CNNM2: variants seen among roughly 807,000 people sequenced by gnomAD.
The protein encoded by CNNM2 is cyclin and CBS domain divalent metal cation transport mediator 2, also known as metal transporter CNNM2.
Under a neutral mutation model 66.9 loss-of-function variants are expected in CNNM2, and 12 were observed. That is an observed-to-expected ratio of 0.18 (90% CI 0.11 to 0.29). The LOEUF (loss-of-function observed/expected upper bound fraction) is 0.29, where lower values mean the gene tolerates loss of function less well. Ranked by LOEUF, CNNM2 falls within the 10% of genes least tolerant of loss-of-function variation. The pLI is 1.00. For synonymous variants in CNNM2, 557 were observed against 501.8 expected (o/e 1.11, Z -1.47); for missense variants, 705 against 1,167.7 (o/e 0.60, Z 5.77).
At position 103,087,617 on chromosome 10, in the gene CNNM2, T is replaced by C. The variant is rs2065849215; in HGVS notation, c.*10437T>C. The C allele has an allele frequency of 6.6e-6, 1 of 152,252 alleles. No homozygotes were observed. Among genetic ancestry groups the C allele is most frequent in the Non-Finnish European group, 1.5e-5 (1 of 68,040 alleles). 9.4% of individuals were successfully genotyped at this position (152,252 alleles called of 1,614,324 possible). A position where few individuals can be genotyped will look rare whatever the true frequency, so the allele number is the denominator to read the frequency against. On this transcript the variant is annotated 3_prime_UTR_variant, in exon 8 of 8. Transcript: ENST00000369878. ...TATTATAATAAGGTAGCTCTGCAGA[T>C]GTAATAAGCTACTCATAAATTATTT...
At chr10:102,966,872 A>T (rs968871233) in intron 1 of CNNM2, among the ~76,000 whole-genome samples, 1 of 152,104 alleles carries the variant, frequency 6.6e-6, no homozygotes, top group African/African-American at 2.4e-5. Flanking sequence ...GTGAGGTGGG[A>T]TGAGGAGTGG....
Position 103,085,596 on chromosome 10 carries a change from G to A in CNNM2, c.*8416G>A, listed in dbSNP as rs1214563068. ...TCCATGGGAGACCAGAACATCTGGG[G>A]ACATAGTTGTACCTAGTTATTTTGT... On this transcript the variant is annotated 3_prime_UTR_variant, in exon 8 of 8. Transcript: ENST00000369878. 1.3e-5 allele frequency: 2 copies of A among 152,200 alleles called. No homozygotes were observed. Among genetic ancestry groups the A allele is most frequent in the African/African-American group, 4.8e-5 (2 of 41,446 alleles). The allele number at this position is 152,200 out of a possible 1,614,324, so 9.4% of individuals were successfully genotyped here. A position where few individuals can be genotyped will look rare whatever the true frequency, so the allele number is the denominator to read the frequency against.
intron 2 of CNNM2, among the ~76,000 whole-genome samples, chr10:103,050,069 C>T (rs2065190552): frequency 6.6e-6 from 1 of 152,212 alleles, no homozygotes; most frequent in Admixed American, 6.5e-5. Context: ...CCAGCTGCTT[C>T]TAACCACTGA....
At chr10:103,050,204 C>T (rs2065192420) in intron 2 of CNNM2, among the ~76,000 whole-genome samples, 1 of 152,166 alleles carries the variant, frequency 6.6e-6, no homozygotes, top group Non-Finnish European at 1.5e-5. Flanking sequence ...AGATAAACTT[C>T]TGTTTGTACT....
At chr10:103,025,204 G>C (rs978125482) in intron 1 of CNNM2, among the ~76,000 whole-genome samples, 2 of 152,062 alleles carry the variant, frequency 1.3e-5, no homozygotes, top group African/African-American at 4.8e-5. Context: ...CGATTCTCCT[G>C]CCTCAGCCTC....
intron 1 of CNNM2, among the ~76,000 whole-genome samples, chr10:103,024,801 A>G (rs1258682442): frequency 6.6e-6 from 1 of 152,002 alleles, no homozygotes; most frequent in African/African-American, 2.4e-5. Flanking sequence ...TAAAGAAACC[A>G]AGCTAGTTGT....
chr10:103,040,493 G>A (rs1346237039), intron 1 of CNNM2, among the ~76,000 whole-genome samples: 7 of 152,088 alleles, frequency 4.6e-5, no homozygotes, highest in Admixed American at 4.6e-4. Flanking sequence ...GGTGGGAAGT[G>A]AGCACTGTGC....
chr10:103,080,406 TA>T lies in CNNM2; in HGVS notation c.*3229del, dbSNP rs1342694389. 1 of 152,256 alleles carries T rather than the reference TA, an allele frequency of 6.6e-6. No homozygotes were observed. The highest frequency in any genetic ancestry group is 2.4e-5 in the African/African-American group (1 of 41,462). 9.4% of individuals were successfully genotyped at this position (152,256 alleles called of 1,614,324 possible). A position where few individuals can be genotyped will look rare whatever the true frequency, so the allele number is the denominator to read the frequency against. On this transcript the variant is annotated 3_prime_UTR_variant, in exon 8 of 8. Coordinates refer to ENST00000369878, the MANE Select transcript of CNNM2 (RefSeq NM_017649.5). ...TCAGGCAAATTCAAAATCATACATT[TA>T]AACTCTTAGGAAAACAAAATCTTAA...
At chr10:103,035,273 C>G (rs1042523913) in intron 1 of CNNM2, among the ~76,000 whole-genome samples, 3 of 152,082 alleles carry the variant, frequency 2.0e-5, no homozygotes, top group Non-Finnish European at 2.9e-5. Context: ...AAAATAAACC[C>G]CTTAGTTCTA....
In CNNM2 at chr10:102,999,121, A is replaced by G. The variant is rs112353445; in HGVS notation, c.1622-50586A>G. ...AGTCTTGCTCTGTCTCCCAGGCTTGAGTGTAGTGGCGCGATCTTGGCTCAC... is the reference window on the plus strand; with the variant it reads ...AGTCTTGCTCTGTCTCCCAGGCTTGGGTGTAGTGGCGCGATCTTGGCTCAC... On this transcript the variant is annotated intron_variant, in intron 1 of 7. Transcript: ENST00000369878. 0.015 allele frequency among the ~76,000 whole-genome samples: 2,233 copies of G among 146,346 alleles called. 56 individuals are homozygous for G. Among genetic ancestry groups the G allele is most frequent in the African/African-American group, 0.053 (2,079 of 39,492 alleles).
chr10:102,919,233 C>T lies in CNNM2; in HGVS notation c.753C>T (p.Phe251=), dbSNP rs1590244475. 1 of 1,613,438 alleles carries T rather than the reference C, an allele frequency of 6.2e-7. No homozygotes were observed. Among genetic ancestry groups the T allele is most frequent in the Non-Finnish European group, 8.5e-7 (1 of 1,180,030 alleles). The change falls in exon 1 of 8, where the codon TTC becomes TTT. Residue 251 remains phenylalanine (F), a synonymous_variant. Transcript: ENST00000369878. ...TGATCGTAGGCGAAGAGAAGAAGTT[C>T]CTGCTGCCCTTCTGGCTGCAGGTGA... ...TKMIVGEEKK[F]LLPFWLQVIF...
chr10:102,924,112 G>T (rs1162585592), intron 1 of CNNM2, among the ~76,000 whole-genome samples: 1 of 152,160 alleles, frequency 6.6e-6, no homozygotes, highest in Admixed American at 6.5e-5. Flanking sequence ...AATAAATTCA[G>T]TAAATACCGC....
intron 3 of CNNM2, among the ~76,000 whole-genome samples, chr10:103,056,027 G>A (rs184524577): frequency 1.4e-3 from 217 of 151,718 alleles, no homozygotes; most frequent in Admixed American, 3.8e-3. Context: ...GGTGGCGGTT[G>A]CAGTGAGCCG....
At chr10:103,011,682 G>GTGTA (rs1554898654) in intron 1 of CNNM2, among the ~76,000 whole-genome samples, 370 of 148,342 alleles carry the variant, frequency 2.5e-3, no homozygotes, top group Admixed American at 4.5e-3. Context: ...GTGTGTGTGT[G>GTGTA]TGTATGTATA....
chr10:103,071,788 T>C lies in CNNM2; in HGVS notation c.2182T>C (p.Ser728Pro). 4.3e-6 allele frequency: 7 copies of C among 1,613,988 alleles called. No homozygotes were observed. Among genetic ancestry groups the C allele is most frequent in the Non-Finnish European group, 5.9e-6 (7 of 1,179,854 alleles). ...CCATTTTTCAGTTCCTTTGTCCCTG[T>C]CTCGTACCTTTGTTGTCAGCAGAAC... ...LTASPVPLSL[S>P]RTFVVSRTEL... The change falls in exon 6 of 8, where the codon TCT becomes CCT. Residue 728 changes from serine (S) to proline (P), a missense_variant. Physicochemically the swap from Ser to Pro is moderately conservative, Grantham distance 74. Around this residue, in one of 9 missense-constraint regions of CNNM2, gnomAD observed 194 missense variants for 227.6 expected, o/e 0.85. Coordinates refer to ENST00000369878, the MANE Select transcript of CNNM2 (RefSeq NM_017649.5).
chr10:102,961,420 C>A (rs183768450), intron 1 of CNNM2, among the ~76,000 whole-genome samples: 1 of 152,102 alleles, frequency 6.6e-6, no homozygotes, highest in Non-Finnish European at 1.5e-5. Flanking sequence ...TACTTATGCT[C>A]AAAAATTTAC....
Position 102,918,660 on chromosome 10 carries a change from G to T in CNNM2, c.180G>T (p.Ala60=). 1 of 1,549,588 alleles carries T rather than the reference G, an allele frequency of 6.5e-7. No individual in the cohort carries two copies. The highest frequency in any genetic ancestry group is 1.2e-5 in the South Asian group (1 of 83,852). The change falls in exon 1 of 8, where the codon GCG becomes GCT. Residue 60 remains alanine (A), a synonymous_variant. Transcript: ENST00000369878. The surrounding 1 kb of genome is among the most constrained non-coding windows in gnomAD (Gnocchi z 4.1). The stretch of plus-strand genomic sequence containing the variant: ...TCCTGCTGAGCTGCTGCTGCGGTGC[G>T]GGCGGCTGCGCAGCGGTGGGCGAGA... ...PLLLLSCCCG[A]GGCAAVGENE...
At chr10:103,002,409 A>C (rs1219700895) in intron 1 of CNNM2, among the ~76,000 whole-genome samples, 1 of 152,110 alleles carries the variant, frequency 6.6e-6, no homozygotes, top group African/African-American at 2.4e-5. Flanking sequence ...CTTTGTACTC[A>C]CTAGGACGGC....
At chr10:102,986,374 G>A (rs2063797766) in intron 1 of CNNM2, among the ~76,000 whole-genome samples, 1 of 151,988 alleles carries the variant, frequency 6.6e-6, no homozygotes, top group Non-Finnish European at 1.5e-5. Flanking sequence ...CCGAGTATGG[G>A]TGGTGATGGA....
Sources: gnomAD v4.1 joint callset for allele counts (sites outside exome capture counted in the v4.1 genomes callset) on GRCh38, gnomAD v4.1.1 for gene constraint, gnomAD v4.1.1 regional missense constraint, Gnocchi (gnomAD v3.1) non-coding constraint, MANE v1.5 for transcripts, NCBI Gene and HGNC (gene_info 2026-07-23, HGNC 2026-07-21) for gene names.